The following SPATS2L variants were observed in gnomAD, a reference collection of about 807,000 sequenced individuals.
SPATS2L encodes the protein SPATS2-like protein.
SPATS2L carries 30 observed loss-of-function variants against 59.6 expected under a neutral mutation model. The ratio of observed to expected loss-of-function variants is 0.50; its 90% CI spans 0.38 to 0.68. The LOEUF is 0.68. SPATS2L is among the 30% of genes least tolerant of loss of function. SPATS2L has a pLI of 0.00. For synonymous variants in SPATS2L, 252 were observed against 263.5 expected, an observed-to-expected ratio of 0.96 and a Z score of 0.42; for missense variants, 615 against 700.0, an observed-to-expected ratio of 0.88 and a Z score of 1.37.
At chr2:200,422,908 T>G (rs1003644396) in intron 6 of SPATS2L, among the ~76,000 whole-genome samples, 1 of 152,204 alleles carries the variant, frequency 6.6e-6, no homozygotes, top group Admixed American at 6.5e-5. Context: ...AATATCTTAT[T>G]GCACTATAAA....
At chr2:200,403,096 A>G (rs1190842630) in intron 3 of SPATS2L, among the ~76,000 whole-genome samples, 4 of 152,218 alleles carry the variant, frequency 2.6e-5, no homozygotes, top group Non-Finnish European at 5.9e-5. Flanking sequence ...GTCAGTAGCA[A>G]GTAACCTGCA....
At chr2:200,416,939 G>A (rs1040504383) in intron 5 of SPATS2L, among the ~76,000 whole-genome samples, 4 of 152,126 alleles carry the variant, frequency 2.6e-5, no homozygotes, top group Admixed American at 2.0e-4. Flanking sequence ...AGTAAGTAAG[G>A]GGCTTTCTTG....
intron 2 of SPATS2L, among the ~76,000 whole-genome samples, chr2:200,344,935 T>G (rs1418533363): frequency 3.3e-5 from 5 of 152,198 alleles, no homozygotes; most frequent in African/African-American, 7.2e-5. Flanking sequence ...CTTGTAAATT[T>G]GTTTAAGTTC....
At position 200,467,391 on chromosome 2, in the gene SPATS2L, G is replaced by C. The variant is rs1418380788; in HGVS notation, c.949G>C (p.Glu317Gln). 2 of 1,612,228 alleles carry C rather than the reference G, an allele frequency of 1.2e-6. No individual in the cohort carries two copies. The highest frequency in any genetic ancestry group is 8.5e-7 in the Non-Finnish European group (1 of 1,178,244). The change falls in exon 10 of 13, where the codon GAA (glutamate) becomes CAA (glutamine). Residue 317 changes from glutamate to glutamine, a missense_variant. Physicochemically the swap from Glu to Gln is conservative, Grantham distance 29 (BLOSUM62 2). Transcript: ENST00000409140. ...GATGCAGCTGGCCGAACTCAGGGCA[G>C]AAATTAAGGTCAGTTCTAAAATATC... The part of the protein sequence containing the change: ...AEMQLAELRA[E>Q]IKHFVSERKY...
Position 200,440,860 on chromosome 2 carries a change from A to T in SPATS2L, c.788+76A>T, listed in dbSNP as rs1181436499. On this transcript the variant is annotated intron_variant, in intron 8 of 12. Transcript: ENST00000409140. ...AACAGGTAAAAGTATCAGATGGAAA[A>T]CGTTGTTTATTTAATACATAAACAT... 5 of 1,524,988 alleles carry T rather than the reference A, an allele frequency of 3.3e-6. No individual in the cohort carries two copies. In the African/African-American group the frequency reaches 5.5e-5, roughly 17 times the overall value. The allele number at this position is 1,524,988 out of a possible 1,614,324, so 94.5% of individuals were successfully genotyped here.
chr2:200,423,137 T>C (rs571323217), intron 6 of SPATS2L, among the ~76,000 whole-genome samples: 2 of 152,296 alleles, frequency 1.3e-5, no homozygotes, highest in South Asian at 2.1e-4. Context: ...ACTGAAAACT[T>C]AATGAGTTGT....
intron 2 of SPATS2L, among the ~76,000 whole-genome samples, chr2:200,348,776 C>T (rs2080608040): frequency 6.6e-6 from 1 of 151,862 alleles, no homozygotes; most frequent in South Asian, 2.1e-4. Context: ...TGCTTCTGGC[C>T]TGTACTAAGT....
chr2:200,389,163 G>T, intron 2 of SPATS2L, 60 bp from the exon 3 acceptor site: 1 of 1,085,010 alleles, frequency 9.2e-7, no homozygotes, highest in East Asian at 2.6e-5. Context: ...GGAAGAGAGT[G>T]TAAAAATAAC....
chr2:200,314,711 C>T lies in SPATS2L; in HGVS notation c.-73+7789C>T, dbSNP rs545142063. Among the ~76,000 whole-genome samples, 80 of 152,188 alleles carry T rather than the reference C, an allele frequency of 5.3e-4. No individual in the cohort carries two copies. In the East Asian group the frequency reaches 6.8e-3, roughly 13 times the overall value. ...ATGATAGGAGGGATGGGAATAGAGGCGAGATGATAGACCTGCTGTTCAGTA... is the reference window on the plus strand; with the variant it reads ...ATGATAGGAGGGATGGGAATAGAGGTGAGATGATAGACCTGCTGTTCAGTA... On this transcript the variant is annotated intron_variant, in intron 1 of 12. Coordinates refer to ENST00000409140, the MANE Select transcript of SPATS2L (RefSeq NM_001100423.2).
At chr2:200,393,470 G>A (rs995047855) in intron 3 of SPATS2L, among the ~76,000 whole-genome samples, 20 of 152,178 alleles carry the variant, frequency 1.3e-4, no homozygotes, top group African/African-American at 4.8e-4. Context: ...TAACAGTAGT[G>A]TTTTCCCACT....
At chr2:200,406,430 GGTT>G (rs1361600950) in intron 3 of SPATS2L, among the ~76,000 whole-genome samples, 5 of 151,112 alleles carry the variant, frequency 3.3e-5, no homozygotes, top group Non-Finnish European at 7.4e-5. Flanking sequence ...AAAAAAAAGA[GGTT>G]ATTATTATAA....
At position 200,480,535 on chromosome 2, in the gene SPATS2L, T is replaced by G. The variant is rs1228550924; in HGVS notation, c.*2504T>G. The G allele has an allele frequency of 1.3e-5, 2 of 152,130 alleles. No individual in the cohort carries two copies. The highest frequency in any genetic ancestry group is 2.9e-5 in the Non-Finnish European group (2 of 68,048). 9.4% of individuals were successfully genotyped at this position (152,130 alleles called of 1,614,324 possible). On this transcript the variant is annotated 3_prime_UTR_variant, in exon 13 of 13. Transcript: ENST00000409140. Reference sequence around the variant, plus strand: ...CAGGTGTGCACCACAACGTCCCAGCTACTTTTTAAATTTTTAGTAGAAACG... The same window carrying G: ...CAGGTGTGCACCACAACGTCCCAGCGACTTTTTAAATTTTTAGTAGAAACG...
At chr2:200,329,936 T>C (rs1188445294) in intron 2 of SPATS2L, among the ~76,000 whole-genome samples, 1 of 152,164 alleles carries the variant, frequency 6.6e-6, no homozygotes, top group African/African-American at 2.4e-5. Context: ...AAGAATGTGC[T>C]CCCACGATTG....
At chr2:200,418,581 T>TAATAAATAAATAAATAAATAAATA (rs146482107) in intron 5 of SPATS2L, among the ~76,000 whole-genome samples, 1 of 145,320 alleles carries the variant, frequency 6.9e-6, no homozygotes, top group Non-Finnish European at 1.5e-5. Flanking sequence ...CCTTATTAAA[T>TAATAAATAAATAAATAAATAAATA]AATAAATAAA....
chr2:200,472,914 T>G lies in SPATS2L; in HGVS notation c.1143T>G (p.Ser381=). 6.2e-7 allele frequency: 1 copy of G among 1,613,916 alleles called. No individual in the cohort carries two copies. Among genetic ancestry groups the G allele is most frequent in the Middle Eastern group, 1.6e-4 (1 of 6,062 alleles). The part of the protein sequence containing the change: ...LPLLNAHAAT[S]GKQSNFSRKS... ...TGCTGAATGCGCACGCAGCAACCTCTGGGAAACAGAGTAACTTTTCCCGAA... is the reference window on the plus strand; with the variant it reads ...TGCTGAATGCGCACGCAGCAACCTCGGGGAAACAGAGTAACTTTTCCCGAA... Residue 381 remains serine (S), a synonymous_variant, in exon 12 of 13, where the codon TCT becomes TCG. Transcript: ENST00000409140.
chr2:200,439,378 G>A, intron 7 of SPATS2L, 50 bp downstream of exon 7: 1 of 1,483,924 alleles, frequency 6.7e-7, no homozygotes, highest in African/African-American at 1.4e-5. Flanking sequence ...TGCACATACA[G>A]AAAAGTGCCA....
chr2:200,352,373 G>A (rs922712326), intron 2 of SPATS2L, among the ~76,000 whole-genome samples: 20 of 105,980 alleles, frequency 1.9e-4, no homozygotes, highest in Non-Finnish European at 2.9e-4. Flanking sequence ...ATATATATAT[G>A]GTAAACAAGC....
intron 8 of SPATS2L, among the ~76,000 whole-genome samples, chr2:200,448,404 C>T (rs1047232384): frequency 2.0e-5 from 3 of 152,038 alleles, no homozygotes; most frequent in Non-Finnish European, 4.4e-5. Context: ...ATCACACCAC[C>T]GCACTCCAGC....
At chr2:200,438,665 T>G (rs1229006717) in intron 6 of SPATS2L, among the ~76,000 whole-genome samples, 9 of 152,182 alleles carry the variant, frequency 5.9e-5, no homozygotes, top group Non-Finnish European at 1.3e-4. Context: ...CTGCCTTCAT[T>G]AATTCGGAAT....
Sources: gnomAD v4.1 joint callset for allele counts (sites outside exome capture counted in the v4.1 genomes callset) on GRCh38, gnomAD v4.1.1 for gene constraint, MANE v1.5 for transcripts, NCBI Gene and HGNC (gene_info 2026-07-23, HGNC 2026-07-21) for gene names.